ACSM2A: variants seen among roughly 807,000 people sequenced by gnomAD.
The protein encoded by ACSM2A is acyl-coenzyme A synthetase ACSM2A, mitochondrial.
Under a neutral mutation model 76.6 loss-of-function variants are expected in ACSM2A, and 72 were observed. The ratio of observed to expected loss-of-function variants is 0.94; its 90% CI spans 0.78 to 1.14. The LOEUF (loss-of-function observed/expected upper bound fraction) is 1.14, where lower values mean the gene tolerates loss of function less well. Ranked by LOEUF, ACSM2A falls within the 50% of genes most tolerant of loss-of-function variation. ACSM2A has a pLI of 0.00. For missense variants in ACSM2A, 684 were observed against 708.5 expected (o/e 0.97, Z 0.39); for synonymous variants, 249 against 255.9 (o/e 0.97, Z 0.26).
chr16:20,479,633 G>T (rs1398466948), intron 10 of ACSM2A, among the ~76,000 whole-genome samples: 1 of 152,166 alleles, frequency 6.6e-6, no homozygotes, highest in African/African-American at 2.4e-5. Flanking sequence ...CAGTGATCAG[G>T]GCAGAGCCAC....
At chr16:20,467,099 C>T (rs1360066841) in intron 3 of ACSM2A, among the ~76,000 whole-genome samples, 2 of 152,040 alleles carry the variant, frequency 1.3e-5, no homozygotes, top group Non-Finnish European at 2.9e-5. Flanking sequence ...GTCAGATTTC[C>T]CTCAGTGTCA....
intron 12 of ACSM2A, chr16:20,482,398 G>A (rs1180480153): frequency 1.3e-5 from 2 of 152,126 alleles, no homozygotes; most frequent in African/African-American, 2.4e-5. Flanking sequence ...TATAAAGCCA[G>A]GCTTATAGAA....
chr16:20,456,948 T>C (rs1329913847), intron 1 of ACSM2A, among the ~76,000 whole-genome samples: 1 of 146,188 alleles, frequency 6.8e-6, no homozygotes, highest in Admixed American at 6.8e-5. Flanking sequence ...CCAAATAAGC[T>C]CAATTAGAAA....
chr16:20,461,640 A>G (rs1207546098), intron 2 of ACSM2A, among the ~76,000 whole-genome samples: 2 of 152,184 alleles, frequency 1.3e-5, no homozygotes, highest in Non-Finnish European at 2.9e-5. Context: ...AAAACCAGGC[A>G]AAGTATATGA....
At position 20,471,141 on chromosome 16, in the gene ACSM2A, G is replaced by T. The variant is rs142969595; in HGVS notation, c.665G>T (p.Ser222Ile). ...SQEASAIYFT[S>I]GTSGLPKMAE... ...GAAGCATCTGCCATCTACTTCACTAGTGGGACCAGTGGTCTTCCCAAGATG... is the reference window on the plus strand; with the variant it reads ...GAAGCATCTGCCATCTACTTCACTATTGGGACCAGTGGTCTTCCCAAGATG... Residue 222 changes from serine to isoleucine, a missense_variant, in exon 5 of 14, where the codon AGT (serine) becomes ATT (isoleucine). Physicochemically the swap from Ser to Ile is moderately radical, Grantham distance 142. Transcript: ENST00000573854. The T allele has an allele frequency of 3.1e-6, 5 of 1,613,350 alleles. No individual in the cohort carries two copies. The highest frequency in any genetic ancestry group is 4.2e-6 in the Non-Finnish European group (5 of 1,179,512).
intron 6 of ACSM2A, 120 bp downstream of exon 6, chr16:20,471,809 C>A (rs567319398): frequency 9.4e-6 from 14 of 1,494,394 alleles, no homozygotes; most frequent in Admixed American, 4.2e-5. Context: ...ATGTGGTGAA[C>A]AGTGTTCAGT....
chr16:20,485,866 T>C (rs1439230679), intron 13 of ACSM2A, among the ~76,000 whole-genome samples: 1 of 152,260 alleles, frequency 6.6e-6, no homozygotes, highest in Non-Finnish European at 1.5e-5. Context: ...AACTGAGCCA[T>C]ATCACTGGAA....
chr16:20,453,028 C>T (rs7194098), intron 1 of ACSM2A, among the ~76,000 whole-genome samples: 3 of 151,360 alleles, frequency 2.0e-5, no homozygotes, highest in South Asian at 2.1e-4. Context: ...TCTATCTCAC[C>T]GCTTCAGAAG....
Position 20,475,904 on chromosome 16 carries a change from G to T in ACSM2A, c.1098+131G>T, listed in dbSNP as rs1284667608. 15 of 1,521,548 alleles carry T rather than the reference G, an allele frequency of 9.9e-6. No individual in the cohort carries two copies. The East Asian group carries it at 2.3e-4, about 23-fold the overall frequency. The allele number at this position is 1,521,548 out of a possible 1,614,324, so 94.3% of individuals were successfully genotyped here. A position where few individuals can be genotyped will look rare whatever the true frequency, so the allele number is the denominator to read the frequency against. ...AAGTATTTATTGAGCCTCTATGAAG[G>T]GACAGGTACTGAGTATTGAAAATTC... On this transcript the variant is annotated intron_variant, in intron 8 of 13. Transcript: ENST00000573854.
chr16:20,456,520 G>A (rs375426081), intron 1 of ACSM2A, among the ~76,000 whole-genome samples: 114 of 151,890 alleles, frequency 7.5e-4, no homozygotes, highest in African/African-American at 1.8e-3. Flanking sequence ...ACGTGAATAC[G>A]TGGAAATTAA....
At chr16:20,465,474 G>A (rs1359508981) in intron 2 of ACSM2A, 43 bp from the exon 3 acceptor site, 2 of 1,605,588 alleles carry the variant, frequency 1.2e-6, no homozygotes, top group Admixed American at 1.7e-5. Context: ...CTACCTGCTT[G>A]TGTACCAATG....
At chr16:20,482,903 T>G in intron 12 of ACSM2A, 155 bp from the exon 13 acceptor site, 1 of 1,252,014 alleles carries the variant, frequency 8.0e-7, no homozygotes. Flanking sequence ...ACCTCATTCA[T>G]GTCCCCAGTT....
intron 12 of ACSM2A, 45 bp from the exon 13 acceptor site, chr16:20,483,013 C>A (rs1459299698): frequency 6.2e-7 from 1 of 1,607,518 alleles, no homozygotes; most frequent in African/African-American, 1.3e-5. Flanking sequence ...CAGGAGATGA[C>A]TACACACTCT....
chr16:20,458,922 AT>A (rs2012422184), intron 1 of ACSM2A, among the ~76,000 whole-genome samples: 1 of 73,806 alleles, frequency 1.4e-5, no homozygotes, highest in African/African-American at 8.4e-5. Context: ...ATATATATAT[AT>A]ATATATATAC....
chr16:20,475,876 G>T, intron 8 of ACSM2A, 103 bp downstream of exon 8: 1 of 1,564,904 alleles, frequency 6.4e-7, no homozygotes. Context: ...TCATCTATTC[G>T]AGAAGTATTT....
chr16:20,478,122 T>A (rs1323403778), intron 9 of ACSM2A, among the ~76,000 whole-genome samples: 1 of 152,242 alleles, frequency 6.6e-6, no homozygotes, highest in African/African-American at 2.4e-5. Flanking sequence ...TTTCTTAGTA[T>A]CTTATTTCAT....
At chr16:20,453,438 T>C (rs1335496748) in intron 1 of ACSM2A, 3 of 151,254 alleles carry the variant, frequency 2.0e-5, no homozygotes, top group African/African-American at 7.3e-5. Flanking sequence ...AACACTCTTA[T>C]AGTTTCTTAT....
rs542732538 is a variant in ACSM2A, at chr16:20,472,041, G to A, written c.894+352G>A. On this transcript the variant is annotated intron_variant, in intron 6 of 13. Coordinates refer to ENST00000573854, the MANE Select transcript of ACSM2A (RefSeq NM_001308172.2). ...GGAGTATTGGAGGGGATGCCATCTC[G>A]CTCTCATGAGTGTGTGTGTGTGTTT... Among the ~76,000 whole-genome samples, 266 of 152,200 alleles carry A rather than the reference G, an allele frequency of 1.7e-3. 1 individual carries two copies. Among genetic ancestry groups the A allele is most frequent in the African/African-American group, 5.8e-3 (240 of 41,556 alleles).
At position 20,486,611 on chromosome 16, in the gene ACSM2A, G is replaced by T. The variant is rs1472938589; in HGVS notation, c.1667G>T (p.Gly556Val). 1 of 1,614,032 alleles carries T rather than the reference G, an allele frequency of 6.2e-7. No individual in the cohort carries two copies. The highest frequency in any genetic ancestry group is 2.2e-5 in the East Asian group (1 of 44,898). The change falls in exon 14 of 14, where the codon GGG (glycine) becomes GTG (valine). Residue 556 changes from glycine (G) to valine (V), a missense_variant. By Grantham distance (109) the Gly-to-Val change is moderately radical. Transcript: ENST00000573854. ...FVLNLPKTVT[G>V]KIQRAKLRDK... ...TTGAACCTGCCCAAGACTGTCACAG[G>T]GAAAATTCAACGAGCCAAGCTTCGA...
Sources: allele counts gnomAD v4.1 joint callset (sites outside exome capture counted in the v4.1 genomes callset), GRCh38; gene constraint gnomAD v4.1.1; transcripts MANE v1.5; gene names NCBI Gene and HGNC (gene_info 2026-07-23, HGNC 2026-07-21).